PPP2R2B: variants seen among roughly 807,000 people sequenced by gnomAD.
The protein encoded by PPP2R2B is serine/threonine-protein phosphatase 2A 55 kDa regulatory subunit B beta isoform.
Under a neutral mutation model 46.0 loss-of-function variants are expected in PPP2R2B, and 5 were observed. The observed-to-expected ratio is 0.11, with a 90% confidence interval of 0.06 to 0.23. The LOEUF is 0.23. Ranked by LOEUF, PPP2R2B falls within the 10% of genes least tolerant of loss-of-function variation. The pLI is 1.00. For missense variants in PPP2R2B, 367 were observed against 575.0 expected (o/e 0.64, Z 3.70); for synonymous variants, 215 against 206.7 (o/e 1.04, Z -0.34).
At chr5:146,815,610 C>T (rs1189580058) in intron 2 of PPP2R2B, among the ~76,000 whole-genome samples, 1 of 152,354 alleles carries the variant, frequency 6.6e-6, no homozygotes, top group Middle Eastern at 3.4e-3. Context: ...TGCCTAAAGG[C>T]ATTTGAATTC....
chr5:146,631,690 G>T (rs977779383), intron 7 of PPP2R2B, among the ~76,000 whole-genome samples: 2 of 152,192 alleles, frequency 1.3e-5, no homozygotes, highest in African/African-American at 4.8e-5. Context: ...CAGAAAGAAA[G>T]TGTTCTAGCT....
chr5:146,608,227 G>A (rs79404963), intron 7 of PPP2R2B, among the ~76,000 whole-genome samples: 7,062 of 152,158 alleles, frequency 0.046, 236 homozygotes, highest in African/African-American at 0.095. Context: ...GGGCCCCTAG[G>A]ACTGGTAGCA....
intron 1 of PPP2R2B, among the ~76,000 whole-genome samples, chr5:146,944,597 T>G (rs1358051637): frequency 1.3e-5 from 2 of 151,966 alleles, no homozygotes; most frequent in East Asian, 3.9e-4. Context: ...TGTCCCATGA[T>G]TTAAAGAGAA....
chr5:146,850,664 C>A (rs996341459), intron 2 of PPP2R2B, among the ~76,000 whole-genome samples: 1 of 152,182 alleles, frequency 6.6e-6, no homozygotes, highest in Non-Finnish European at 1.5e-5. Context: ...ACCAGGGAAG[C>A]CTTCCCTGTC....
intron 2 of PPP2R2B, among the ~76,000 whole-genome samples, chr5:146,847,599 C>T (rs1240673962): frequency 6.6e-6 from 1 of 152,196 alleles, no homozygotes; most frequent in Non-Finnish European, 1.5e-5. Flanking sequence ...GGATGTAGAA[C>T]ACAAGCCACA....
intron 1 of PPP2R2B, among the ~76,000 whole-genome samples, chr5:146,884,416 G>C (rs1379808683): frequency 1.3e-5 from 2 of 152,098 alleles, no homozygotes; most frequent in African/African-American, 4.8e-5. Flanking sequence ...GTGAGTAATT[G>C]CTTTTATAGG....
At position 146,956,764 on chromosome 5, in the gene PPP2R2B, A is replaced by G. The variant is rs185237372; in HGVS notation, c.79+98901T>C. The stretch of plus-strand genomic sequence containing the variant: ...CACAGTTCTGGAGGCTGGAAGTCCA[A>G]GATCAAGGGGCCAGCAGATTTGGTG... On this transcript the variant is annotated intron_variant, in intron 1 of 8. Coordinates refer to the PPP2R2B transcript ENST00000336640. Among the ~76,000 whole-genome samples the G allele has an allele frequency of 3.3e-5, 5 of 152,334 alleles. No individual in the cohort carries two copies. The East Asian group carries it at 9.7e-4, about 29-fold the overall frequency.
intron 1 of PPP2R2B, among the ~76,000 whole-genome samples, chr5:147,015,362 T>C (rs533280641): frequency 6.6e-6 from 1 of 151,776 alleles, no homozygotes; most frequent in African/African-American, 2.4e-5. Context: ...TCTACTGACA[T>C]TTGAATTTTC....
chr5:146,950,133 C>T (rs545411921), intron 1 of PPP2R2B, among the ~76,000 whole-genome samples: 24 of 152,084 alleles, frequency 1.6e-4, no homozygotes, highest in Middle Eastern at 6.8e-3. Context: ...AGGTTTGTAA[C>T]GCAAAGAAAT....
chr5:146,725,720 C>T (rs921253666), intron 2 of PPP2R2B, among the ~76,000 whole-genome samples: 7 of 152,210 alleles, frequency 4.6e-5, no homozygotes, highest in African/African-American at 1.7e-4. Context: ...AACTGGCCTT[C>T]TTTCACTTGT....
chr5:146,740,574 CACA>C (rs1752810157), intron 2 of PPP2R2B, among the ~76,000 whole-genome samples: 2 of 478 alleles, frequency 4.2e-3, no homozygotes, highest in Non-Finnish European at 0.011. Flanking sequence ...AAAATGAGAT[CACA>C]CACACACACA....
upstream of PPP2R2B, among the ~76,000 whole-genome samples, chr5:146,880,225 G>GT (rs1762122406): frequency 5.6e-5 from 8 of 143,942 alleles, no homozygotes; most frequent in African/African-American, 2.0e-4. Context: ...GTGTGTGTGT[G>GT]GTGGGGGGAG....
At chr5:146,651,414 T>C (rs1443874515) in intron 5 of PPP2R2B, among the ~76,000 whole-genome samples, 2 of 152,240 alleles carry the variant, frequency 1.3e-5, no homozygotes, top group East Asian at 3.8e-4. Context: ...GATACATAAA[T>C]ACTTCTCAGT....
Position 146,589,894 on chromosome 5 carries a change from A to G in PPP2R2B, c.*53T>C, listed in dbSNP as rs1463758801. 6.5e-7 allele frequency: 1 copy of G among 1,536,678 alleles called. No homozygotes were observed. Among genetic ancestry groups the G allele is most frequent in the East Asian group, 2.3e-5 (1 of 44,182 alleles). ...TGAAGACCCAAAGAAACATTTAAAA[A>G]CTTGTTTGACTAGTATTCAGTATGT... On this transcript the variant is annotated 3_prime_UTR_variant, in exon 10 of 10. Coordinates refer to ENST00000394411, the MANE Select transcript of PPP2R2B (RefSeq NM_181675.4).
intron 2 of PPP2R2B, among the ~76,000 whole-genome samples, chr5:146,822,336 C>A (rs1271789567): frequency 6.6e-6 from 1 of 152,158 alleles, no homozygotes; most frequent in Non-Finnish European, 1.5e-5. Flanking sequence ...AATCACCCAT[C>A]TTTTCATGGC....
At chr5:146,651,252 G>A (rs1049555224) in intron 5 of PPP2R2B, among the ~76,000 whole-genome samples, 8 of 152,014 alleles carry the variant, frequency 5.3e-5, no homozygotes, top group Non-Finnish European at 7.4e-5. Context: ...GACTCTAATC[G>A]TCCAAATTCA....
chr5:146,870,384 A>T lies in PPP2R2B; in HGVS notation c.70+7618T>A, dbSNP rs540020709. On this transcript the variant is annotated intron_variant, in intron 2 of 9. Coordinates refer to ENST00000394411, the MANE Select transcript of PPP2R2B (RefSeq NM_181675.4). ...GCTGGTGCCCTTGCAAGAAGAAAAA[A>T]AAATGCCAGAGATTGCGCTCTCTCT... Among the ~76,000 whole-genome samples, 6 of 152,310 alleles carry T rather than the reference A, an allele frequency of 3.9e-5. No individual in the cohort carries two copies. The East Asian group carries it at 1.2e-3, about 29-fold the overall frequency.
intron 1 of PPP2R2B, among the ~76,000 whole-genome samples, chr5:146,921,554 G>A (rs1763609734): frequency 6.6e-6 from 1 of 152,202 alleles, no homozygotes; most frequent in Admixed American, 6.6e-5. Flanking sequence ...TTCTTAGAGA[G>A]ACATGAGAAA....
At chr5:147,077,264 GTA>G (rs1757804749) in intron 2 of PPP2R2B, among the ~76,000 whole-genome samples, 1 of 123,274 alleles carries the variant, frequency 8.1e-6, no homozygotes, top group African/African-American at 3.2e-5. Flanking sequence ...ATACATATAT[GTA>G]TGTGTGTATA....
Sources: gnomAD v4.1 joint callset for allele counts (sites outside exome capture counted in the v4.1 genomes callset) on GRCh38, gnomAD v4.1.1 for gene constraint, MANE v1.5 for transcripts, NCBI Gene and HGNC (gene_info 2026-07-23, HGNC 2026-07-21) for gene names.